Variants in SFT2D1 observed in about 807,000 individuals in gnomAD.
SFT2D1 encodes the protein SFT2 domain containing 1, also known as vesicle transport protein SFT2A.
A neutral mutation model predicts 28.1 loss-of-function variants in SFT2D1; 24 were observed. That is an observed-to-expected ratio of 0.85 (90% CI 0.62 to 1.20). SFT2D1 has a LOEUF of 1.20. Ranked by LOEUF, SFT2D1 falls within the 50% of genes most tolerant of loss-of-function variation. The pLI, the probability that SFT2D1 is intolerant of heterozygous loss-of-function variation, is 0.00. For synonymous variants in SFT2D1, 82 were observed against 73.7 expected (o/e 1.11, Z -0.58); for missense variants, 181 against 190.9 (o/e 0.95, Z 0.31).
intron 6 of SFT2D1, 63 bp downstream of exon 6, chr6:166,324,474 A>C (rs1050873966): frequency 6.5e-7 from 1 of 1,534,040 alleles, no homozygotes; most frequent in Non-Finnish European, 8.9e-7. Flanking sequence ...CACAGGTCCC[A>C]AACAAAATGC....
At chr6:166,326,843 T>G (rs1373681767) in intron 4 of SFT2D1, among the ~76,000 whole-genome samples, 2 of 152,214 alleles carry the variant, frequency 1.3e-5, no homozygotes, top group Non-Finnish European at 2.9e-5. Flanking sequence ...ACTAAAAAGT[T>G]TGAGGGGTAA....
chr6:166,331,213 C>G (rs1386007704), intron 1 of SFT2D1, among the ~76,000 whole-genome samples: 5 of 152,116 alleles, frequency 3.3e-5, no homozygotes, highest in South Asian at 2.1e-4. Context: ...AGCAGCTGTG[C>G]AAGAAACTAG....
chr6:166,323,152 G>A (rs909822738), intron 6 of SFT2D1: 9 of 349,680 alleles, frequency 2.6e-5, no homozygotes, highest in Non-Finnish European at 4.6e-5. Context: ...TGATTCTGGT[G>A]CATGCTAAAG....
intron 6 of SFT2D1, chr6:166,323,171 T>C (rs531695073): frequency 1.0e-4 from 32 of 315,244 alleles, no homozygotes; most frequent in Non-Finnish European, 1.7e-4. Flanking sequence ...AGTTTGAGCT[T>C]CTTATAATAA....
At chr6:166,340,433 C>T (rs1057050803) in intron 1 of SFT2D1, among the ~76,000 whole-genome samples, 2 of 152,206 alleles carry the variant, frequency 1.3e-5, no homozygotes, top group Non-Finnish European at 2.9e-5. Context: ...TTGAGAATCC[C>T]CCTTCCTGCT....
intron 7 of SFT2D1, among the ~76,000 whole-genome samples, chr6:166,322,223 C>T (rs1046318169): frequency 1.3e-5 from 2 of 152,104 alleles, no homozygotes; most frequent in African/African-American, 4.8e-5. Context: ...TTCCTGGAGT[C>T]TCTGTGTCCT....
chr6:166,323,539 A>G (rs1778393165), intron 6 of SFT2D1: 1 of 152,296 alleles, frequency 6.6e-6, no homozygotes, highest in South Asian at 2.1e-4. Context: ...CTAACACAGA[A>G]GAGCGCAGGA....
chr6:166,342,461 G>C lies in SFT2D1; in HGVS notation c.21C>G (p.Val7=). 1 of 1,557,836 alleles carries C rather than the reference G, an allele frequency of 6.4e-7. No individual in the cohort carries two copies. The highest frequency in any genetic ancestry group is 1.2e-5 in the South Asian group (1 of 84,564). The change falls in exon 1 of 8, where the codon GTC becomes GTG. Residue 7 remains valine, a synonymous_variant. Coordinates refer to ENST00000361731, the MANE Select transcript of SFT2D1 (RefSeq NM_145169.3). ...GCTCCTCGTCGTCCTGGCCGCTCAG[G>C]ACTCGCCGCAGCTTCTCCATGGCCC... MEKLRR[V]LSGQDDEEQG... is the part of the protein sequence containing the mutation.
chr6:166,320,555 C>A (rs921590380), intron 7 of SFT2D1, among the ~76,000 whole-genome samples: 9 of 151,068 alleles, frequency 6.0e-5, no homozygotes, highest in Non-Finnish European at 7.4e-5. Context: ...TAACTTTTTT[C>A]TTTTTTTTTC....
At chr6:166,340,367 T>C (rs1778753210) in intron 1 of SFT2D1, among the ~76,000 whole-genome samples, 1 of 152,208 alleles carries the variant, frequency 6.6e-6, no homozygotes, top group Non-Finnish European at 1.5e-5. Flanking sequence ...AAAGGCTTCC[T>C]ATCACACTCA....
intron 1 of SFT2D1, chr6:166,331,475 A>T (rs565359612): frequency 6.5e-6 from 1 of 152,776 alleles, no homozygotes; most frequent in South Asian, 2.1e-4. Context: ...TCACTCTTTA[A>T]CACATTTTAA....
intron 7 of SFT2D1, among the ~76,000 whole-genome samples, chr6:166,322,014 G>C (rs1778366158): frequency 6.6e-6 from 1 of 152,134 alleles, no homozygotes; most frequent in African/African-American, 2.4e-5. Flanking sequence ...CTCCCAAGTA[G>C]CTGGGATTAC....
intron 1 of SFT2D1, among the ~76,000 whole-genome samples, chr6:166,337,749 A>G (rs963009981): frequency 3.9e-5 from 6 of 152,224 alleles, no homozygotes; most frequent in Non-Finnish European, 8.8e-5. Context: ...GAAACATGAT[A>G]AATTAATGCC....
At chr6:166,323,175 A>C (rs1375766709) in intron 6 of SFT2D1, 5 of 307,238 alleles carry the variant, frequency 1.6e-5, no homozygotes, top group Non-Finnish European at 2.4e-5. Context: ...TGAGCTTCTT[A>C]TAATAAAATA....
intron 4 of SFT2D1, 104 bp downstream of exon 4, chr6:166,328,172 T>A (rs953991069): frequency 2.9e-5 from 14 of 489,312 alleles, no homozygotes; most frequent in African/African-American, 1.4e-4. Context: ...TAAAAAAAAA[T>A]AAAAATAAAA....
rs139253533 is a variant in SFT2D1 at position 166,342,445 on chromosome 6, C to G, written c.37G>C (p.Asp13His). The G allele has an allele frequency of 4.6e-4, 716 of 1,560,340 alleles. 7 individuals carry two copies. The East Asian group carries it at 0.015, about 33-fold the overall frequency. ...KLRRVLSGQD[D>H]EEQGLTAQVL... is the part of the protein sequence containing the mutation. ...TGCGCAGTCAGGCCCTGCTCCTCGT[C>G]GTCCTGGCCGCTCAGGACTCGCCGC... Residue 13 changes from aspartate to histidine, a missense_variant, in exon 1 of 8, where the codon GAC becomes CAC. Asp to His is a moderately conservative substitution (Grantham distance 81). Transcript: ENST00000361731.
chr6:166,338,022 G>C (rs982116193), intron 1 of SFT2D1, among the ~76,000 whole-genome samples: 3 of 151,900 alleles, frequency 2.0e-5, no homozygotes, highest in African/African-American at 4.8e-5. Flanking sequence ...GAAGGGGGAG[G>C]CCTCACCAAG....
chr6:166,341,949 C>G (rs1042450475), intron 1 of SFT2D1, among the ~76,000 whole-genome samples: 23 of 152,116 alleles, frequency 1.5e-4, no homozygotes, highest in African/African-American at 5.3e-4. Flanking sequence ...TTCCAAAAGA[C>G]CACCCCCCAG....
rs1562442590 is a variant in SFT2D1 at position 166,326,029 on chromosome 6, T to TA, written c.351+102dup. 13 of 1,164,516 alleles carry TA rather than the reference T, an allele frequency of 1.1e-5. No individual in the cohort carries two copies. The East Asian group carries it at 1.4e-4, about 13-fold the overall frequency. The allele number at this position is 1,164,516 out of a possible 1,614,324, so 72.1% of individuals were successfully genotyped here. On this transcript the variant is annotated intron_variant, in intron 5 of 7. Coordinates refer to ENST00000361731, the MANE Select transcript of SFT2D1 (RefSeq NM_145169.3). ...GGAACACCTAATCTTTAGAGAGTTT[T>TA]AAAAAAACAGATGAGCTATTTTAAG...
Sources: gnomAD v4.1 joint callset for allele counts (sites outside exome capture counted in the v4.1 genomes callset) on GRCh38, gnomAD v4.1.1 for gene constraint, MANE v1.5 for transcripts, NCBI Gene and HGNC (gene_info 2026-07-23, HGNC 2026-07-21) for gene names.